The following SGCD variants were observed in gnomAD, a reference collection of about 807,000 sequenced individuals.
SGCD encodes the protein delta-sarcoglycan.
In SGCD, 18 loss-of-function variants were observed where a neutral mutation model predicts 36.6. That is an observed-to-expected ratio of 0.49 (90% CI 0.34 to 0.73). SGCD has a LOEUF of 0.73. Among genes scored for constraint, SGCD ranks in the 30% least tolerant of loss-of-function variants. The pLI is 0.01. For missense variants in SGCD, 387 were observed against 346.7 expected (o/e 1.12, Z -0.92); for synonymous variants, 133 against 130.6 (o/e 1.02, Z -0.12).
At chr5:156,457,601 C>T (rs1004246695) in intron 3 of SGCD, among the ~76,000 whole-genome samples, 6 of 152,136 alleles carry the variant, frequency 3.9e-5, no homozygotes, top group Admixed American at 3.3e-4. Context: ...AAATTCTCTC[C>T]ACTGTTATTT....
intron 3 of SGCD, among the ~76,000 whole-genome samples, chr5:156,184,199 T>C (rs1263962602): frequency 6.6e-6 from 1 of 152,096 alleles, no homozygotes; most frequent in Non-Finnish European, 1.5e-5. Flanking sequence ...ATAGTATGGG[T>C]ACTGGAAGTA....
chr5:156,476,585 T>C (rs1017188358), intron 3 of SGCD, among the ~76,000 whole-genome samples: 3 of 152,228 alleles, frequency 2.0e-5, no homozygotes, highest in African/African-American at 7.2e-5. Flanking sequence ...AGAAGAATTA[T>C]ATCTGAAACT....
chr5:156,037,476 C>T (rs1157863069), intron 1 of SGCD, among the ~76,000 whole-genome samples: 1 of 152,186 alleles, frequency 6.6e-6, no homozygotes, highest in Non-Finnish European at 1.5e-5. Context: ...TCCTAATTCC[C>T]TAAACTCTGT....
intron 3 of SGCD, among the ~76,000 whole-genome samples, chr5:156,132,458 CTTTTTTTTTTTTTT>C (rs573278623): frequency 1.9e-5 from 1 of 51,794 alleles, no homozygotes; most frequent in Non-Finnish European, 3.5e-5. Context: ...CTTACCAAGT[CTTTTTTTTTTTTTT>C]TTTTTTTTTT....
the SGCD span, among the ~76,000 whole-genome samples, chr5:155,772,960 C>T: frequency 2.0e-5 from 3 of 152,096 alleles, no homozygotes; most frequent in Admixed American, 6.6e-5. Context: ...AACTCTTACC[C>T]ACCAGGAGGT....
intron 6 of SGCD, among the ~76,000 whole-genome samples, chr5:156,626,875 C>T (rs17561145): frequency 0.083 from 12,700 of 152,110 alleles, 684 homozygotes; most frequent in Non-Finnish European, 0.12. Context: ...ATAAGATGGA[C>T]CTATTACCCC....
chr5:155,985,262 A>T (rs1276379501), intron 1 of SGCD, among the ~76,000 whole-genome samples: 1 of 152,106 alleles, frequency 6.6e-6, no homozygotes, highest in Non-Finnish European at 1.5e-5. Flanking sequence ...CTAGGCTCTC[A>T]TCTGCTTCTA....
chr5:156,692,682 G>A (rs181761074), intron 7 of SGCD, among the ~76,000 whole-genome samples: 146 of 152,236 alleles, frequency 9.6e-4, no homozygotes, highest in African/African-American at 2.7e-3. Flanking sequence ...ACTGCCTAAC[G>A]TGCCTTGGTT....
the SGCD span, among the ~76,000 whole-genome samples, chr5:155,732,453 A>G: frequency 0.047 from 7,091 of 152,200 alleles, 519 homozygotes; most frequent in African/African-American, 0.16. Flanking sequence ...GTCCTTGGAG[A>G]TCTTTCCCAA....
At chr5:156,604,404 G>C (rs922992316) in intron 6 of SGCD, among the ~76,000 whole-genome samples, 27 of 151,940 alleles carry the variant, frequency 1.8e-4, no homozygotes, top group African/African-American at 6.5e-4. Flanking sequence ...ATTTATGATA[G>C]GTGAGAACTT....
chr5:156,083,613 C>G (rs1367959794), intron 1 of SGCD, among the ~76,000 whole-genome samples: 4 of 145,252 alleles, frequency 2.8e-5, no homozygotes, highest in Non-Finnish European at 1.5e-5. Flanking sequence ...TTTTTTTTTC[C>G]TTTTATGGCT....
intron 4 of SGCD, among the ~76,000 whole-genome samples, chr5:156,528,145 A>G (rs533312002): frequency 6.6e-6 from 1 of 152,188 alleles, no homozygotes; most frequent in Non-Finnish European, 1.5e-5. Flanking sequence ...AGGATCTGGA[A>G]TACCAACTTC....
chr5:156,384,030 A>G (rs1250086572), intron 3 of SGCD, among the ~76,000 whole-genome samples: 3 of 152,164 alleles, frequency 2.0e-5, no homozygotes, highest in African/African-American at 7.2e-5. Flanking sequence ...ATGTATATTT[A>G]TATGTATTTC....
chr5:155,811,897 A>G, the SGCD span, among the ~76,000 whole-genome samples: 2 of 143,546 alleles, frequency 1.4e-5, no homozygotes, highest in Non-Finnish European at 3.1e-5. Context: ...TAACATTTGT[A>G]TGTAGAAGTA....
At chr5:156,044,671 T>A (rs924173140) in intron 1 of SGCD, among the ~76,000 whole-genome samples, 1 of 152,160 alleles carries the variant, frequency 6.6e-6, no homozygotes, top group African/African-American at 2.4e-5. Flanking sequence ...ACCGACAGAA[T>A]TTTTTTCATA....
At chr5:155,736,472 C>A in the SGCD span, among the ~76,000 whole-genome samples, 4 of 152,142 alleles carry the variant, frequency 2.6e-5, no homozygotes, top group Non-Finnish European at 5.9e-5. Context: ...AACACCATAA[C>A]AAATTGCTCC....
At chr5:156,143,980 A>G (rs1762642041) in intron 3 of SGCD, among the ~76,000 whole-genome samples, 1 of 145,684 alleles carries the variant, frequency 6.9e-6, no homozygotes. Context: ...GAGTGAGAAC[A>G]TGTGGTGTTT....
intron 1 of SGCD, among the ~76,000 whole-genome samples, chr5:156,096,015 G>A (rs557902633): frequency 6.6e-6 from 1 of 152,312 alleles, no homozygotes; most frequent in South Asian, 2.1e-4. Context: ...CACTTTCCTT[G>A]TACCAGTGAA....
chr5:156,259,736 G>C (rs1275236119), intron 3 of SGCD, among the ~76,000 whole-genome samples: 1 of 152,042 alleles, frequency 6.6e-6, no homozygotes, highest in Non-Finnish European at 1.5e-5. Context: ...GGGCCCTTGG[G>C]AGGTAAGTAG....
Sources: allele counts gnomAD v4.1 joint callset (sites outside exome capture counted in the v4.1 genomes callset), GRCh38; gene constraint gnomAD v4.1.1; transcripts MANE v1.5; gene names NCBI Gene and HGNC (gene_info 2026-07-23, HGNC 2026-07-21).